The following KCNG3 variants were observed in gnomAD, a reference collection of about 807,000 sequenced individuals.
KCNG3 encodes voltage-gated potassium channel regulatory subunit KCNG3.
KCNG3 carries 15 observed loss-of-function variants against 29.0 expected under a neutral mutation model. That is an observed-to-expected ratio of 0.52 (90% confidence interval 0.35 to 0.80). The LOEUF is 0.80. KCNG3 is among the 30% of genes least tolerant of loss of function. The pLI is 0.01. For missense variants in KCNG3, 512 were observed against 605.7 expected, an observed-to-expected ratio of 0.85 and a Z score of 1.62; for synonymous variants, 322 against 248.9, an observed-to-expected ratio of 1.29 and a Z score of -2.76.
At chr2:42,481,862 C>A (rs1673592162) in intron 1 of KCNG3, among the ~76,000 whole-genome samples, 1 of 152,208 alleles carries the variant, frequency 6.6e-6, no homozygotes, top group Non-Finnish European at 1.5e-5. Context: ...ATCACAGAGG[C>A]CTGTACTAAT....
chr2:42,445,363 G>A (rs757540503), intron 1 of KCNG3, among the ~76,000 whole-genome samples: 1 of 152,114 alleles, frequency 6.6e-6, no homozygotes, highest in Non-Finnish European at 1.5e-5. Context: ...GTAACTTACA[G>A]TCAATGCAAG....
At chr2:42,411,038 A>T in the KCNG3 span, among the ~76,000 whole-genome samples, 4,981 of 152,280 alleles carry the variant, frequency 0.033, 134 homozygotes, top group Non-Finnish European at 0.044. Context: ...CAATTTATTG[A>T]GTAGTCTATC....
intron 1 of KCNG3, among the ~76,000 whole-genome samples, chr2:42,471,492 G>A (rs1673287080): frequency 6.6e-6 from 1 of 152,130 alleles, no homozygotes; most frequent in Admixed American, 6.6e-5. Context: ...GGTATGCGAG[G>A]AGGGGGAACA....
At chr2:42,423,804 GA>G in the KCNG3 span, among the ~76,000 whole-genome samples, 23,364 of 120,772 alleles carry the variant, frequency 0.19, 1,905 homozygotes, top group African/African-American at 0.26. Context: ...GAGGTGAAAG[GA>G]AAAAAAAAAA....
At chr2:42,425,349 A>C in the KCNG3 span, among the ~76,000 whole-genome samples, 2 of 147,414 alleles carry the variant, frequency 1.4e-5, no homozygotes, top group African/African-American at 2.5e-5. Context: ...CAGTGAACTA[A>C]GGTCCCGCCA....
chr2:42,418,016 AATAT>A, the KCNG3 span, among the ~76,000 whole-genome samples: 5 of 151,548 alleles, frequency 3.3e-5, no homozygotes, highest in Non-Finnish European at 7.4e-5. Flanking sequence ...AAATAAATAA[AATAT>A]ATATATACTG....
rs1673032301 is a variant in KCNG3 at position 42,462,021 on chromosome 2, T to C, written c.666-17442A>G. ...CAAGTTTTATTTTAAGTGATGTTAA[T>C]TACAGCACTTGAAGGGGAGGATCTA... is the stretch of plus-strand genomic sequence containing the variant. On this transcript the variant is annotated intron_variant, in intron 1 of 1. Transcript: ENST00000306078. 2.0e-5 allele frequency among the ~76,000 whole-genome samples: 3 copies of C among 152,204 alleles called. No individual in the cohort carries two copies. The South Asian group carries it at 6.2e-4, about 31-fold the overall frequency.
At chr2:42,460,759 AGT>A (rs2103688954) in intron 1 of KCNG3, among the ~76,000 whole-genome samples, 1 of 152,296 alleles carries the variant, frequency 6.6e-6, no homozygotes, top group African/African-American at 2.4e-5. Context: ...GCCACTGACC[AGT>A]GTTTAGGCTT....
At chr2:42,399,318 C>T in the KCNG3 span, among the ~76,000 whole-genome samples, 1 of 152,118 alleles carries the variant, frequency 6.6e-6, no homozygotes, top group Non-Finnish European at 1.5e-5. Context: ...CTCAGCCTCT[C>T]GAAGTGCTGG....
downstream of KCNG3, among the ~76,000 whole-genome samples, chr2:42,440,884 T>A (rs368690885): frequency 4.7e-3 from 722 of 152,340 alleles, 4 homozygotes; most frequent in African/African-American, 0.016. Flanking sequence ...TCAAGTCATG[T>A]AAATTCAGGT....
At chr2:42,413,485 T>C in the KCNG3 span, among the ~76,000 whole-genome samples, 1 of 152,238 alleles carries the variant, frequency 6.6e-6, no homozygotes, top group African/African-American at 2.4e-5. Flanking sequence ...TAAAATTTTC[T>C]TTATTCCATT....
chr2:42,419,867 CAG>C, the KCNG3 span, among the ~76,000 whole-genome samples: 4 of 152,312 alleles, frequency 2.6e-5, no homozygotes, highest in Admixed American at 2.6e-4. Flanking sequence ...AGCAAGAGAG[CAG>C]AGACTGCCGG....
intron 1 of KCNG3, among the ~76,000 whole-genome samples, chr2:42,466,434 G>A (rs914727206): frequency 5.3e-5 from 8 of 152,022 alleles, no homozygotes; most frequent in Admixed American, 2.0e-4. Context: ...AAACAAAAAC[G>A]AAATACAATA....
intron 1 of KCNG3, among the ~76,000 whole-genome samples, chr2:42,462,425 G>A (rs1338303849): frequency 6.6e-6 from 1 of 152,210 alleles, no homozygotes; most frequent in Non-Finnish European, 1.5e-5. Flanking sequence ...TTAGCCGGGT[G>A]CAGTGGCTCA....
chr2:42,477,427 A>ATATT (rs1226842530), intron 1 of KCNG3, among the ~76,000 whole-genome samples: 12 of 108,968 alleles, frequency 1.1e-4, no homozygotes, highest in African/African-American at 4.8e-4. Context: ...ACACACATAT[A>ATATT]TTTTTTTTTT....
In KCNG3 at chr2:42,444,940, C is replaced by T. The variant is rs115399680; in HGVS notation, c.666-361G>A. ...AATCAGCTGGGCTTGGTGACACACA[C>T]CTGTAGTACCACCTACCTGGGAGGC... On this transcript the variant is annotated intron_variant, in intron 1 of 1. Coordinates refer to ENST00000306078, the MANE Select transcript of KCNG3 (RefSeq NM_133329.6). The surrounding 1 kb of genome is among the most constrained non-coding windows in gnomAD (Gnocchi z 5.8). Among the ~76,000 whole-genome samples the T allele has an allele frequency of 8.7e-3, 1,321 of 151,960 alleles. 15 individuals carry two copies. The highest frequency in any genetic ancestry group is 0.041 in the Middle Eastern group (12 of 292).
At chr2:42,407,453 G>A in the KCNG3 span, among the ~76,000 whole-genome samples, 1 of 152,220 alleles carries the variant, frequency 6.6e-6, no homozygotes, top group Non-Finnish European at 1.5e-5. Context: ...TGGAGCGGAT[G>A]CTGCCATCAC....
At chr2:42,431,107 C>CA in the KCNG3 span, among the ~76,000 whole-genome samples, 38,882 of 113,224 alleles carry the variant, frequency 0.34, 5,578 homozygotes, top group East Asian at 0.6. Context: ...ACCCTGTCTC[C>CA]AAAAAAAAAA....
In KCNG3 at chr2:42,493,134, G is replaced by A. The variant is rs971502500; in HGVS notation, c.368C>T (p.Thr123Ile). ...CTCGTCGGCCGAGTAGAAGGTGTAG[G>A]TGTCGGACATGCGGTCGTCGAGGCG... Reference protein sequence around the residue: ...QRRLDDRMSDTYTFYSADEPG... With the variant: ...QRRLDDRMSDIYTFYSADEPG... The change falls in exon 1 of 2, where the codon ACC (threonine) becomes ATC (isoleucine). Residue 123 changes from threonine to isoleucine, a missense_variant. Thr to Ile is a moderately conservative substitution (Grantham distance 89, BLOSUM62 -1). This residue lies in a region of KCNG3 where 228 missense variants were observed against 200.0 expected (regional missense o/e 1.14). Transcript: ENST00000306078. 6.2e-7 allele frequency: 1 copy of A among 1,603,578 alleles called. No homozygotes were observed. The highest frequency in any genetic ancestry group is 1.1e-5 in the South Asian group (1 of 90,566).
Sources: allele counts gnomAD v4.1 joint callset (sites outside exome capture counted in the v4.1 genomes callset), GRCh38; gene constraint gnomAD v4.1.1; regional missense constraint gnomAD v4.1.1; non-coding constraint Gnocchi (gnomAD v3.1); transcripts MANE v1.5; gene names NCBI Gene and HGNC (gene_info 2026-07-23, HGNC 2026-07-21).